CEMIP2: variants seen among roughly 807,000 people sequenced by gnomAD.
CEMIP2 encodes the protein cell surface hyaluronidase CEMIP2.
CEMIP2 carries 79 observed loss-of-function variants against 146.9 expected under a neutral mutation model. That is an observed-to-expected ratio of 0.54 (90% CI 0.45 to 0.65). The LOEUF (loss-of-function observed/expected upper bound fraction) is 0.65. CEMIP2 is among the 30% of genes least tolerant of loss of function. The pLI, the probability that CEMIP2 is intolerant of heterozygous loss-of-function variation, is 0.00. For missense variants in CEMIP2, 1,596 were observed against 1,696.2 expected, an observed-to-expected ratio of 0.94 and a Z score of 1.04; for synonymous variants, 601 against 606.3, an observed-to-expected ratio of 0.99 and a Z score of 0.13.
chr9:71,768,127 G>A (rs1224395125), intron 1 of CEMIP2, among the ~76,000 whole-genome samples: 1 of 152,172 alleles, frequency 6.6e-6, no homozygotes, highest in Non-Finnish European at 1.5e-5. Context: ...ACTGACTCCT[G>A]GGGAGTCGGG....
chr9:71,684,375 C>T lies in CEMIP2; in HGVS notation c.*822G>A, dbSNP rs188055992. ...TACGGTTCAGGAAAACAACCTACTTCTTAAAACAAAACAAAACAAAACAAA... is the reference window on the plus strand; with the variant it reads ...TACGGTTCAGGAAAACAACCTACTTTTTAAAACAAAACAAAACAAAACAAA... On this transcript the variant is annotated 3_prime_UTR_variant, in exon 24 of 24. Transcript: ENST00000377044. 6.5e-6 allele frequency: 1 copy of T among 152,682 alleles called. No individual in the cohort carries two copies. Among genetic ancestry groups the T allele is most frequent in the East Asian group, 1.9e-4 (1 of 5,182 alleles). 9.5% of individuals were successfully genotyped at this position (152,682 alleles called of 1,614,324 possible). A position where few individuals can be genotyped will look rare whatever the true frequency, so the allele number is the denominator to read the frequency against.
intron 1 of CEMIP2, among the ~76,000 whole-genome samples, chr9:71,750,833 C>A (rs1448976035): frequency 1.3e-5 from 2 of 151,996 alleles, no homozygotes; most frequent in Non-Finnish European, 2.9e-5. Flanking sequence ...TACAGTCTCG[C>A]ACTCCTGGGC....
At chr9:71,688,904 T>C (rs7852789) in intron 22 of CEMIP2, among the ~76,000 whole-genome samples, 124,470 of 152,120 alleles carry the variant, frequency 0.82, 51,374 homozygotes, top group East Asian at 0.99. Flanking sequence ...TGTTAAAATG[T>C]TACACACACA....
In CEMIP2 at chr9:71,745,018, C is replaced by T; in HGVS notation, c.1034G>A (p.Arg345Lys). The T allele has an allele frequency of 1.2e-6, 2 of 1,612,674 alleles. No individual in the cohort carries two copies. Among genetic ancestry groups the T allele is most frequent in the Non-Finnish European group, 1.7e-6 (2 of 1,179,366 alleles). The part of the protein sequence containing the change: ...GSELIQGLGY[R>K]QAWALVGVID... Reference sequence around the variant, plus strand: ...GGATCTGGGAAGAAGGTATGCCTACCTGTAGCCCAGTCCTTGGATCAGTTC... The same window carrying T: ...GGATCTGGGAAGAAGGTATGCCTACTTGTAGCCCAGTCCTTGGATCAGTTC... Residue 345 changes from arginine to lysine, a missense_variant and splice_region_variant, in exon 4 of 24, where the codon AGG becomes AAG. By Grantham distance (26) the Arg-to-Lys change is conservative. Coordinates refer to ENST00000377044, the MANE Select transcript of CEMIP2 (RefSeq NM_013390.3).
At chr9:71,715,625 GATATAT>G (rs71790721) in intron 14 of CEMIP2, among the ~76,000 whole-genome samples, 1,819 of 119,072 alleles carry the variant, frequency 0.015, 55 homozygotes, top group African/African-American at 0.049. Context: ...TCCCTCTTAA[GATATAT>G]ATATATATAT....
intron 2 of CEMIP2, among the ~76,000 whole-genome samples, chr9:71,749,737 A>C (rs182304622): frequency 6.6e-6 from 1 of 152,194 alleles, no homozygotes; most frequent in African/African-American, 2.4e-5. Flanking sequence ...AAATTGCAGC[A>C]GTCCAAAAAT....
Position 71,745,452 on chromosome 9 carries a change from C to T in CEMIP2, c.600G>A (p.Ala200=). ...CTGACTTGCCATACAAGGTAATTGT[C>T]GCTTTGGATTTATAGCGGCATTTTT... ...GAEKCRYKSK[A]TITLYGKSDE... Residue 200 remains alanine, a synonymous_variant, in exon 4 of 24, where the codon GCG becomes GCA. Transcript: ENST00000377044. The T allele has an allele frequency of 6.2e-7, 1 of 1,614,058 alleles. No homozygotes were observed. Among genetic ancestry groups the T allele is most frequent in the South Asian group, 1.1e-5 (1 of 91,084 alleles).
In CEMIP2 at chr9:71,717,214, C is replaced by G. The variant is rs146031607; in HGVS notation, c.2400-662G>C. ...AATGTTAGGAACAGTGCCTGGCAAA[C>G]AGTAAGCAGTGTATCAAAGTATTAG... On this transcript the variant is annotated intron_variant, in intron 13 of 23. Transcript: ENST00000377044. 4.8e-3 allele frequency among the ~76,000 whole-genome samples: 728 copies of G among 152,138 alleles called. 5 individuals carry two copies. The highest frequency in any genetic ancestry group is 7.2e-3 in the Non-Finnish European group (490 of 68,002).
chr9:71,726,556 A>T (rs562239618), intron 10 of CEMIP2, among the ~76,000 whole-genome samples: 1 of 152,342 alleles, frequency 6.6e-6, no homozygotes, highest in Non-Finnish European at 1.5e-5. Flanking sequence ...CTATTCTCAA[A>T]TAATTCATAG....
chr9:71,746,828 T>C (rs1824105204), intron 2 of CEMIP2, among the ~76,000 whole-genome samples: 2 of 152,272 alleles, frequency 1.3e-5, no homozygotes, highest in African/African-American at 4.8e-5. Context: ...TAAGTACTGA[T>C]AGCACCTCTC....
intron 5 of CEMIP2, among the ~76,000 whole-genome samples, chr9:71,736,979 G>C (rs1823777935): frequency 6.6e-6 from 1 of 151,752 alleles, no homozygotes; most frequent in Admixed American, 6.6e-5. Context: ...GACCAGCCTG[G>C]GCAACATAGT....
intron 22 of CEMIP2, chr9:71,686,988 C>T (rs1245368127): frequency 1.3e-5 from 2 of 152,112 alleles, no homozygotes; most frequent in Non-Finnish European, 2.9e-5. Flanking sequence ...GTTTGAATTA[C>T]CATTTTTGTC....
intron 2 of CEMIP2, among the ~76,000 whole-genome samples, chr9:71,747,424 T>G (rs532573097): frequency 6.6e-6 from 1 of 152,296 alleles, no homozygotes; most frequent in Non-Finnish European, 1.5e-5. Context: ...CTGAGGCAGC[T>G]TCATGAACAG....
intron 10 of CEMIP2, 118 bp downstream of exon 10, chr9:71,729,727 A>G: frequency 3.2e-6 from 3 of 936,948 alleles, no homozygotes; most frequent in Non-Finnish European, 5.1e-6. Context: ...AAGTAGTACC[A>G]GAAAACAATG....
chr9:71,715,641 T>TATATATAC (rs1261655519), intron 14 of CEMIP2, among the ~76,000 whole-genome samples: 1 of 144,664 alleles, frequency 6.9e-6, no homozygotes, highest in African/African-American at 2.5e-5. Flanking sequence ...TATATATATA[T>TATATATAC]ATATATACTT....
intron 18 of CEMIP2, among the ~76,000 whole-genome samples, chr9:71,702,253 G>T (rs1822583035): frequency 2.4e-5 from 3 of 123,778 alleles, no homozygotes; most frequent in Non-Finnish European, 4.9e-5. Flanking sequence ...GCAAGATGTT[G>T]TCTCAAGGAA....
At chr9:71,730,010 C>T in intron 9 of CEMIP2, 38 bp downstream of exon 9, 1 of 1,613,826 alleles carries the variant, frequency 6.2e-7, no homozygotes, top group Non-Finnish European at 8.5e-7. Context: ...AAGTCAAAGG[C>T]CCTGACTCAT....
At chr9:71,699,462 A>AAAAAAG (rs547056149) in intron 19 of CEMIP2, 171 of 420,258 alleles carry the variant, frequency 4.1e-4, no homozygotes, top group African/African-American at 2.2e-3. Context: ...TAAAAAAAAA[A>AAAAAAG]AAAGAAAGAA....
chr9:71,753,714 C>G (rs1408164451), intron 1 of CEMIP2, among the ~76,000 whole-genome samples: 2 of 152,018 alleles, frequency 1.3e-5, no homozygotes, highest in East Asian at 3.9e-4. Context: ...ATATAAGATA[C>G]ATTGCTTCAG....
Sources: gnomAD v4.1 joint callset for allele counts (sites outside exome capture counted in the v4.1 genomes callset) on GRCh38, gnomAD v4.1.1 for gene constraint, MANE v1.5 for transcripts, NCBI Gene and HGNC (gene_info 2026-07-23, HGNC 2026-07-21) for gene names.